SPTLC2: variants seen among roughly 807,000 people sequenced by gnomAD.
SPTLC2 encodes serine palmitoyltransferase 2.
A neutral mutation model predicts 62.0 loss-of-function variants in SPTLC2; 21 were observed. The observed-to-expected ratio is 0.34, with a 90% CI of 0.24 to 0.49. The LOEUF is 0.49. Ranked by LOEUF, SPTLC2 falls within the 20% of genes least tolerant of loss-of-function variation. SPTLC2 has a pLI of 0.99. For missense variants in SPTLC2, 511 were observed against 713.0 expected (o/e 0.72, Z 3.23); for synonymous variants, 261 against 261.8 (o/e 1.00, Z 0.03).
At chr14:77,543,537 A>G (rs1305264001) in intron 9 of SPTLC2, among the ~76,000 whole-genome samples, 1 of 152,224 alleles carries the variant, frequency 6.6e-6, no homozygotes, top group East Asian at 1.9e-4. Context: ...GTTTTACAAA[A>G]CGGTTAATAC....
intron 2 of SPTLC2, among the ~76,000 whole-genome samples, chr14:77,584,875 G>A (rs531598965): frequency 1.1e-4 from 16 of 152,360 alleles, no homozygotes; most frequent in African/African-American, 3.4e-4. Context: ...TTGCGGATGT[G>A]ATGTAGGGTC....
chr14:77,527,537 C>T (rs1422395890), intron 9 of SPTLC2, among the ~76,000 whole-genome samples: 2 of 152,110 alleles, frequency 1.3e-5, no homozygotes, highest in African/African-American at 4.8e-5. Flanking sequence ...TTAAGGTGTA[C>T]CAATTGCTTT....
rs2079588149 is a variant in SPTLC2 at position 77,557,064 on chromosome 14, G to A, written c.933C>T (p.Leu311=). The change falls in exon 7 of 12, where the codon CTC becomes CTT. Residue 311 remains leucine (L), a synonymous_variant. Coordinates refer to ENST00000216484, the MANE Select transcript of SPTLC2 (RefSeq NM_004863.4). ...ACCTATATATTCCTTCCACAAGGATGAGAATTTTCTTCCAGGGCCTTCGTG... is the reference window on the plus strand; with the variant it reads ...ACCTATATATTCCTTCCACAAGGATAAGAATTTTCTTCCAGGGCCTTCGTG... The part of the protein sequence containing the change: ...PRTRRPWKKI[L]ILVEGIYSME... The A allele has an allele frequency of 1.2e-6, 2 of 1,613,928 alleles. No individual in the cohort carries two copies. The highest frequency in any genetic ancestry group is 1.3e-5 in the African/African-American group (1 of 75,052).
chr14:77,522,452 C>T (rs552675536), intron 9 of SPTLC2, among the ~76,000 whole-genome samples: 5 of 152,304 alleles, frequency 3.3e-5, no homozygotes, highest in South Asian at 4.1e-4. Context: ...CATGAGCCAC[C>T]GCGCCTAGCC....
chr14:77,524,912 G>A (rs1002422550), intron 9 of SPTLC2, among the ~76,000 whole-genome samples: 2 of 152,160 alleles, frequency 1.3e-5, no homozygotes, highest in Non-Finnish European at 2.9e-5. Context: ...AGTTAGATAG[G>A]AGGAATAAAT....
intron 4 of SPTLC2, among the ~76,000 whole-genome samples, chr14:77,571,736 G>C (rs2079684241): frequency 6.6e-6 from 1 of 152,120 alleles, no homozygotes; most frequent in South Asian, 2.1e-4. Context: ...ATAATAATTT[G>C]CCCTATCTAC....
intron 9 of SPTLC2, among the ~76,000 whole-genome samples, chr14:77,527,737 CT>C (rs10711146): frequency 0.52 from 66,682 of 128,834 alleles, 14,955 homozygotes; most frequent in East Asian, 0.66. Context: ...CTCAAGACTG[CT>C]TTTTTTTTTG....
In SPTLC2 at chr14:77,521,566, T is replaced by C. The variant is rs1239912393; in HGVS notation, c.1319A>G (p.Gln440Arg). Residue 440 changes from glutamine (Q) to arginine (R), a missense_variant, in exon 10 of 12, where the codon CAA (glutamine) becomes CGA (arginine). Transcript: ENST00000216484. ...ATACCTGGTGTTTTCAGCTAACTGT[T>C]GTACACACTCTTTACCTGGAAAGTC... ...DGTSLGKECV[Q>R]QLAENTRYFR... 1 of 1,614,036 alleles carries C rather than the reference T, an allele frequency of 6.2e-7. No homozygotes were observed. Among genetic ancestry groups the C allele is most frequent in the African/African-American group, 1.3e-5 (1 of 75,022 alleles).
intron 6 of SPTLC2, 131 bp from the exon 7 acceptor site, chr14:77,557,277 G>GA (rs1321251666): frequency 2.8e-5 from 22 of 796,980 alleles, no homozygotes; most frequent in Non-Finnish European, 4.2e-5. Context: ...GAGTTGGGCA[G>GA]AAAAAAGCAG....
intron 4 of SPTLC2, 93 bp from the exon 5 acceptor site, chr14:77,570,601 G>A (rs899554867): frequency 4.0e-5 from 60 of 1,497,730 alleles, no homozygotes; most frequent in Admixed American, 1.0e-4. Flanking sequence ...TATATGTGTT[G>A]TGTCCTTTTC....
At chr14:77,576,474 T>C (rs939823763) in intron 4 of SPTLC2, among the ~76,000 whole-genome samples, 2 of 152,172 alleles carry the variant, frequency 1.3e-5, no homozygotes, top group Non-Finnish European at 2.9e-5. Context: ...ACCACTAACA[T>C]TTGCAAAAGC....
chr14:77,602,042 A>T (rs559416329), intron 1 of SPTLC2, among the ~76,000 whole-genome samples: 119 of 152,024 alleles, frequency 7.8e-4, no homozygotes, highest in African/African-American at 2.8e-3. Flanking sequence ...GTGGCAAGTC[A>T]ACTGCGGGGA....
intron 9 of SPTLC2, among the ~76,000 whole-genome samples, chr14:77,545,287 T>A (rs4903602): frequency 0.22 from 33,484 of 150,578 alleles, 4,432 homozygotes; most frequent in East Asian, 0.56. Context: ...TTTTTTGAGA[T>A]GGGAGTTTCA....
chr14:77,576,976 T>C, intron 3 of SPTLC2, 61 bp from the exon 4 acceptor site: 2 of 1,583,312 alleles, frequency 1.3e-6, no homozygotes, highest in Non-Finnish European at 1.7e-6. Context: ...ACATGTAATA[T>C]TAAATGAACT....
At chr14:77,576,732 A>G (rs752547506) in intron 4 of SPTLC2, 35 bp downstream of exon 4, 3 of 1,614,168 alleles carry the variant, frequency 1.9e-6, no homozygotes, top group Non-Finnish European at 2.5e-6. Flanking sequence ...AACAATGTCA[A>G]AAACAGCAGC....
chr14:77,588,822 C>T (rs573518635), intron 2 of SPTLC2, among the ~76,000 whole-genome samples: 2 of 151,564 alleles, frequency 1.3e-5, no homozygotes, highest in Non-Finnish European at 2.9e-5. Flanking sequence ...GGGCAAAACC[C>T]AGTCTCTACA....
rs118179259 is a variant in SPTLC2 at position 77,591,883 on chromosome 14, C to T, written c.327+5303G>A. ...GGATTACAGGCATGTGCCACCACGCCCCAGATAATTCTTGTATTTTTAGTA... is the reference window on the plus strand; with the variant it reads ...GGATTACAGGCATGTGCCACCACGCTCCAGATAATTCTTGTATTTTTAGTA... On this transcript the variant is annotated intron_variant, in intron 2 of 11. Coordinates refer to ENST00000216484, the MANE Select transcript of SPTLC2 (RefSeq NM_004863.4). Among the ~76,000 whole-genome samples, 183 of 152,118 alleles carry T rather than the reference C, an allele frequency of 1.2e-3. 4 individuals are homozygous for T. In the East Asian group the frequency reaches 0.033, roughly 28 times the overall value.
Position 77,507,279 on chromosome 14 carries a change from C to CT in SPTLC2, c.*5004dup, listed in dbSNP as rs1426280799. 1.3e-5 allele frequency: 2 copies of CT among 151,326 alleles called. No individual in the cohort carries two copies. Among genetic ancestry groups the CT allele is most frequent in the African/African-American group, 4.9e-5 (2 of 41,166 alleles). 9.4% of individuals were successfully genotyped at this position (151,326 alleles called of 1,614,324 possible). On this transcript the variant is annotated 3_prime_UTR_variant, in exon 12 of 12. Coordinates refer to ENST00000216484, the MANE Select transcript of SPTLC2 (RefSeq NM_004863.4). ...TCTGTGTGATAGGGAAGCCAGCCCTCTAATTTGGCTCTCTGGCTGGGCACA... is the reference window on the plus strand; with the variant it reads ...TCTGTGTGATAGGGAAGCCAGCCCTCTTAATTTGGCTCTCTGGCTGGGCACA...
At chr14:77,521,420 G>A (rs1406486842) in intron 10 of SPTLC2, 26 bp downstream of exon 10, 3 of 1,613,746 alleles carry the variant, frequency 1.9e-6, no homozygotes, top group Non-Finnish European at 2.5e-6. Flanking sequence ...AGGACAGACT[G>A]GTCTGTGATC....
Sources: allele counts gnomAD v4.1 joint callset (sites outside exome capture counted in the v4.1 genomes callset), GRCh38; gene constraint gnomAD v4.1.1; transcripts MANE v1.5; gene names NCBI Gene and HGNC (gene_info 2026-07-23, HGNC 2026-07-21).